The following DDX6 variants were observed in gnomAD, a reference collection of about 807,000 sequenced individuals.
DDX6 encodes the protein DEAD-box helicase 6.
Under a neutral mutation model 60.6 loss-of-function variants are expected in DDX6, and 7 were observed. The ratio of observed to expected loss-of-function variants is 0.12; its 90% CI spans 0.07 to 0.22. DDX6 has a LOEUF of 0.22. DDX6 is among the 10% of genes least tolerant of loss of function. The probability of loss-of-function intolerance (pLI) is 1.00; values close to 1 mark genes in which losing one functional copy is unlikely to be tolerated. For synonymous variants in DDX6, 207 were observed against 201.0 expected, an observed-to-expected ratio of 1.03 and a Z score of -0.25; for missense variants, 270 against 589.9, an observed-to-expected ratio of 0.46 and a Z score of 5.62.
At chr11:118,772,998 T>C (rs188756048) in intron 4 of DDX6, among the ~76,000 whole-genome samples, 1 of 152,348 alleles carries the variant, frequency 6.6e-6, no homozygotes, top group African/African-American at 2.4e-5. Context: ...CCTTCAGAGC[T>C]ATCTCAATTC....
chr11:118,779,314 G>T (rs1398962919), intron 4 of DDX6, among the ~76,000 whole-genome samples: 7 of 152,024 alleles, frequency 4.6e-5, no homozygotes, highest in Admixed American at 4.6e-4. Flanking sequence ...ATCCTGTATA[G>T]AAGAAAAAAA....
Position 118,754,482 on chromosome 11 carries a change from T to A in DDX6, c.*7+223A>T, listed in dbSNP as rs912619036. 362 of 451,718 alleles carry A rather than the reference T, an allele frequency of 8.0e-4. 2 individuals carry two copies. Among genetic ancestry groups the A allele is most frequent in the South Asian group, 1.6e-4 (4 of 24,756 alleles). 28.0% of individuals were successfully genotyped at this position (451,718 alleles called of 1,614,324 possible). A position where few individuals can be genotyped will look rare whatever the true frequency, so the allele number is the denominator to read the frequency against. ...GGACTCTGAATTTAAGTACTGCTAA[T>A]CTACCACATTACCCGGGAAGCTGCA... is the stretch of plus-strand genomic sequence containing the variant. On this transcript the variant is annotated intron_variant, in intron 13 of 13. Transcript: ENST00000534980.
In DDX6 at chr11:118,781,121, C is replaced by A. The variant is rs781874399; in HGVS notation, c.264G>T (p.Ser88=). ...LPPKDLRIKT[S]DVTSTKGNEF... is the part of the protein sequence containing the mutation. ...TACTTGTATTTTACAACCAACTTACCGAAGTTTTGATTCTTAGATCCTTTG... is the reference window on the plus strand; with the variant it reads ...TACTTGTATTTTACAACCAACTTACAGAAGTTTTGATTCTTAGATCCTTTG... Residue 88 remains serine, a splice_region_variant and synonymous_variant, in exon 3 of 14, where the codon TCG becomes TCT. Coordinates refer to ENST00000534980, the MANE Select transcript of DDX6 (RefSeq NM_004397.6). 1.3e-6 allele frequency: 2 copies of A among 1,595,558 alleles called. No individual in the cohort carries two copies. Among genetic ancestry groups the A allele is most frequent in the African/African-American group, 1.3e-5 (1 of 74,600 alleles).
At chr11:118,790,057 A>G (rs1591934118) in intron 1 of DDX6, 1 of 152,214 alleles carries the variant, frequency 6.6e-6, no homozygotes, top group South Asian at 2.1e-4. Context: ...CAGTATCGTC[A>G]TCGCCAACAA....
chr11:118,770,056 C>T (rs1335132040), intron 4 of DDX6, among the ~76,000 whole-genome samples: 2 of 150,712 alleles, frequency 1.3e-5, no homozygotes, highest in African/African-American at 2.4e-5. Context: ...GACAGAGTTT[C>T]GCTCTTGTCA....
At chr11:118,775,238 C>A (rs1256794516) in intron 4 of DDX6, among the ~76,000 whole-genome samples, 1 of 152,154 alleles carries the variant, frequency 6.6e-6, no homozygotes, top group African/African-American at 2.4e-5. Flanking sequence ...ATCGCTTGAA[C>A]CCGGGAGGCA....
At chr11:118,767,560 A>C (rs1861395310) in intron 5 of DDX6, 1 of 151,984 alleles carries the variant, frequency 6.6e-6, no homozygotes, top group Non-Finnish European at 1.5e-5. Context: ...CATCTGCCAC[A>C]AGAAATAGTT....
intron 6 of DDX6, among the ~76,000 whole-genome samples, chr11:118,764,806 A>C (rs1861294270): frequency 1.5e-5 from 1 of 65,372 alleles, no homozygotes; most frequent in Non-Finnish European, 3.4e-5. Flanking sequence ...TCCATCTCCA[A>C]AAAAAAAAAA....
chr11:118,770,150 C>T lies in DDX6; in HGVS notation c.370-1798G>A, dbSNP rs576003395. Among the ~76,000 whole-genome samples, 52 of 151,992 alleles carry T rather than the reference C, an allele frequency of 3.4e-4. 1 individual carries two copies. The highest frequency in any genetic ancestry group is 1.1e-3 in the African/African-American group (46 of 41,454). On this transcript the variant is annotated intron_variant, in intron 4 of 13. Transcript: ENST00000534980. ...AGGCGATTCTCCTGCCTCAGCCTCC[C>T]GAGCAGCTTAGATTAACGGCGTGTG...
intron 6 of DDX6, among the ~76,000 whole-genome samples, chr11:118,763,917 A>T (rs1336053339): frequency 6.6e-6 from 1 of 152,016 alleles, no homozygotes; most frequent in East Asian, 1.9e-4. Flanking sequence ...AGGCACAAAG[A>T]TGTGTTTTAG....
intron 2 of DDX6, among the ~76,000 whole-genome samples, chr11:118,783,065 T>C (rs1039286223): frequency 1.4e-5 from 2 of 147,972 alleles, no homozygotes; most frequent in African/African-American, 4.9e-5. Flanking sequence ...TTTATAATCT[T>C]ATGAGATGAA....
chr11:118,768,459 C>G lies in DDX6; in HGVS notation c.370-107G>C, dbSNP rs1297428055. ...CTCTTTCGGTATTGCTTTAAGTGTC[C>G]TAAGTATCCTACATTTGAATTCTAC... On this transcript the variant is annotated intron_variant, in intron 4 of 13. Coordinates refer to ENST00000534980, the MANE Select transcript of DDX6 (RefSeq NM_004397.6). 12 of 1,151,710 alleles carry G rather than the reference C, an allele frequency of 1.0e-5. No individual in the cohort carries two copies. The East Asian group carries it at 2.9e-4, about 28-fold the overall frequency. 71.3% of individuals were successfully genotyped at this position (1,151,710 alleles called of 1,614,324 possible).
In DDX6 at chr11:118,755,493, G is replaced by A; in HGVS notation, c.1185C>T (p.Thr395=). 1 of 1,583,620 alleles carries A rather than the reference G, an allele frequency of 6.3e-7. No homozygotes were observed. Among genetic ancestry groups the A allele is most frequent in the Non-Finnish European group, 8.6e-7 (1 of 1,156,486 alleles). The part of the protein sequence containing the change: ...CRNLVCTDLF[T]RGIDIQAVNV... ...TCACAGCTTGTATATCAATACCTCG[G>A]GTAAACAGATCTTAAAAAAAAAAAG... is the stretch of plus-strand genomic sequence containing the variant. The change falls in exon 12 of 14, where the codon ACC becomes ACT. Residue 395 remains threonine (T), a synonymous_variant. Transcript: ENST00000534980.
chr11:118,770,340 T>C (rs1861495918), intron 4 of DDX6, among the ~76,000 whole-genome samples: 2 of 152,102 alleles, frequency 1.3e-5, no homozygotes, highest in African/African-American at 4.8e-5. Context: ...AATTTTTAAT[T>C]TCTAAAACTA....
Position 118,785,951 on chromosome 11 carries a change from A to G in DDX6, c.200+101T>C, listed in dbSNP as rs1024183633. 7 of 1,124,186 alleles carry G rather than the reference A, an allele frequency of 6.2e-6. No homozygotes were observed. In the East Asian group the frequency reaches 1.5e-4, roughly 24 times the overall value. The allele number at this position is 1,124,186 out of a possible 1,614,324, so 69.6% of individuals were successfully genotyped here. ...AGTCATCTGTCCTCTATTTGGAATCAAAATGGTTAAATTAAGGCATAAGTA... is the reference window on the plus strand; with the variant it reads ...AGTCATCTGTCCTCTATTTGGAATCGAAATGGTTAAATTAAGGCATAAGTA... On this transcript the variant is annotated intron_variant, in intron 2 of 13. Transcript: ENST00000534980.
intron 9 of DDX6, among the ~76,000 whole-genome samples, chr11:118,758,158 C>T (rs936924383): frequency 3.8e-4 from 58 of 152,164 alleles, no homozygotes; most frequent in Non-Finnish European, 8.8e-5. Context: ...GCTGAACTAC[C>T]TTGAGTATTA....
At chr11:118,760,604 C>CCT (rs1861131223) in intron 7 of DDX6, among the ~76,000 whole-genome samples, 1 of 151,268 alleles carries the variant, frequency 6.6e-6, no homozygotes, top group Non-Finnish European at 1.5e-5. Flanking sequence ...GGGAGAATCA[C>CCT]GAGGTCAAGA....
Position 118,768,354 on chromosome 11 carries a change from T to C in DDX6, c.370-2A>G. On this transcript the variant is annotated splice_acceptor_variant, in intron 4 of 13. Transcript: ENST00000534980. LOFTEE classifies it high-confidence loss of function. ...TAAAGCAATGGGAATGCTCTCCTCC[T>C]AAAAGAGATAAGACAATACAAAATT... The C allele has an allele frequency of 6.2e-7, 1 of 1,611,718 alleles. No individual in the cohort carries two copies. The highest frequency in any genetic ancestry group is 8.5e-7 in the Non-Finnish European group (1 of 1,179,756).
In DDX6 at chr11:118,748,837, G is replaced by A. The variant is rs777939872; in HGVS notation, c.*3268C>T. ...ACTCAAGGCTTTGTGCTGAGTTGTC[G>A]TTTGAACCAAGCATGATGTTATCAA... is the stretch of plus-strand genomic sequence containing the variant. On this transcript the variant is annotated 3_prime_UTR_variant, in exon 14 of 14. Transcript: ENST00000534980. The A allele has an allele frequency of 6.6e-5, 10 of 150,868 alleles. No individual in the cohort carries two copies. The highest frequency in any genetic ancestry group is 1.2e-4 in the Non-Finnish European group (8 of 67,932). 9.3% of individuals were successfully genotyped at this position (150,868 alleles called of 1,614,324 possible). A position where few individuals can be genotyped will look rare whatever the true frequency, so the allele number is the denominator to read the frequency against.
Sources: allele counts gnomAD v4.1 joint callset (sites outside exome capture counted in the v4.1 genomes callset), GRCh38; gene constraint gnomAD v4.1.1; transcripts MANE v1.5; gene names NCBI Gene and HGNC (gene_info 2026-07-23, HGNC 2026-07-21).